CHD1L: variants seen among roughly 807,000 people sequenced by gnomAD.
The protein encoded by CHD1L is chromodomain helicase DNA binding protein 1 like.
In CHD1L, 118 loss-of-function variants were observed where a neutral mutation model predicts 115.9. That is an observed-to-expected ratio of 1.02 (90% CI 0.88 to 1.19). The LOEUF is 1.19. CHD1L is among the 50% of genes most tolerant of loss of function. CHD1L has a pLI of 0.00. For synonymous variants in CHD1L, 411 were observed against 387.1 expected (o/e 1.06, Z -0.72); for missense variants, 1,179 against 1,065.3 (o/e 1.11, Z -1.49).
At chr1:147,249,723 G>GT (rs782626376) in intron 1 of CHD1L, among the ~76,000 whole-genome samples, 1 of 152,144 alleles carries the variant, frequency 6.6e-6, no homozygotes, top group Non-Finnish European at 1.5e-5. Context: ...TATGTTTGCG[G>GT]TTTACTCAGT....
chr1:147,270,469 AG>A (rs782359479), intron 10 of CHD1L, among the ~76,000 whole-genome samples: 1 of 152,012 alleles, frequency 6.6e-6, no homozygotes, highest in Non-Finnish European at 1.5e-5. Flanking sequence ...AACAGGGCAT[AG>A]TTGTAGATGA....
At chr1:147,232,641 G>A in the CHD1L span, among the ~76,000 whole-genome samples, 1 of 150,576 alleles carries the variant, frequency 6.6e-6, no homozygotes, top group African/African-American at 2.4e-5. Flanking sequence ...TGCGATTGCA[G>A]GCACGCGCCG....
intron 1 of CHD1L, among the ~76,000 whole-genome samples, chr1:147,249,337 G>T (rs1667631237): frequency 6.7e-6 from 1 of 150,016 alleles, no homozygotes; most frequent in Non-Finnish European, 1.5e-5. Flanking sequence ...TTTTTTTCTG[G>T]CTGCATTTAA....
upstream of CHD1L, among the ~76,000 whole-genome samples, chr1:147,240,149 G>A (rs587626874): frequency 3.1e-4 from 47 of 152,342 alleles, no homozygotes; most frequent in African/African-American, 1.1e-3. Flanking sequence ...TGTGTAGAAA[G>A]AAGTAGAAAT....
intron 10 of CHD1L, among the ~76,000 whole-genome samples, chr1:147,270,238 A>G (rs1553951842): frequency 6.6e-6 from 1 of 152,206 alleles, no homozygotes; most frequent in African/African-American, 2.4e-5. Context: ...TTGTTTATGC[A>G]AATTTAAAAT....
the CHD1L span, chr1:147,179,758 T>A: frequency 6.4e-6 from 4 of 623,128 alleles, no homozygotes; most frequent in South Asian, 7.8e-5. Flanking sequence ...ATAATCTGAA[T>A]CCTGTTAAAT....
chr1:147,218,526 G>A, the CHD1L span, among the ~76,000 whole-genome samples: 5 of 152,046 alleles, frequency 3.3e-5, no homozygotes, highest in East Asian at 1.9e-4. Context: ...GTGAGCCACC[G>A]CGCCCAGCCT....
chr1:147,262,023 G>A (rs190801217), intron 6 of CHD1L, among the ~76,000 whole-genome samples: 104 of 151,916 alleles, frequency 6.8e-4, no homozygotes, highest in African/African-American at 2.4e-3. Context: ...GTGAAACCCC[G>A]TCTCTACTAA....
chr1:147,187,016 T>C, the CHD1L span: 1 of 1,614,222 alleles, frequency 6.2e-7, no homozygotes, highest in Non-Finnish European at 8.5e-7. Flanking sequence ...AGAGGCTTCC[T>C]GATGCGATCA....
At chr1:147,270,847 T>G in intron 10 of CHD1L, 85 bp from the exon 11 acceptor site, 1 of 1,091,444 alleles carries the variant, frequency 9.2e-7, no homozygotes, top group Non-Finnish European at 1.4e-6. Context: ...TTATAAACTT[T>G]TATTGTTTGG....
chr1:147,245,578 A>G (rs1553933334), intron 1 of CHD1L, among the ~76,000 whole-genome samples: 1 of 151,988 alleles, frequency 6.6e-6, no homozygotes, highest in Non-Finnish European at 1.5e-5. Flanking sequence ...AATTCCCTGT[A>G]TTACATTCCT....
the CHD1L span, among the ~76,000 whole-genome samples, chr1:147,229,235 C>A: frequency 5.9e-5 from 9 of 152,030 alleles, no homozygotes; most frequent in Admixed American, 3.3e-4. Flanking sequence ...ACAGCTAGCC[C>A]GTTTTCCCAG....
chr1:147,178,085 T>C, the CHD1L span: 2 of 1,418,764 alleles, frequency 1.4e-6, no homozygotes, highest in South Asian at 2.6e-5. Flanking sequence ...CCGCGACCCT[T>C]CCGGCTGCCC....
chr1:147,178,435 G>T, the CHD1L span: 2 of 1,611,542 alleles, frequency 1.2e-6, no homozygotes, highest in Non-Finnish European at 1.7e-6. Flanking sequence ...TATGTTTAGA[G>T]ATGGTGAAGA....
intron 19 of CHD1L, among the ~76,000 whole-genome samples, chr1:147,289,567 C>T (rs1043291224): frequency 2.0e-5 from 3 of 152,102 alleles, no homozygotes; most frequent in Non-Finnish European, 2.9e-5. Context: ...GTGCAGTTTT[C>T]TCTGAAGGAG....
At chr1:147,265,829 G>A (rs1212580181) in intron 7 of CHD1L, 103 bp from the exon 8 acceptor site, 12 of 1,054,598 alleles carry the variant, frequency 1.1e-5, no homozygotes, top group Middle Eastern at 2.1e-4. Context: ...TGCAAAATAA[G>A]CGTGAAATAA....
the CHD1L span, among the ~76,000 whole-genome samples, chr1:147,198,509 A>C: frequency 6.6e-6 from 1 of 152,160 alleles, no homozygotes; most frequent in African/African-American, 2.4e-5. Flanking sequence ...TGGGTACGTC[A>C]TCCAGTGCAT....
the CHD1L span, among the ~76,000 whole-genome samples, chr1:147,230,798 G>A: frequency 4.0e-5 from 6 of 151,270 alleles, no homozygotes; most frequent in Admixed American, 3.3e-4. Flanking sequence ...TATTTGTGTA[G>A]AGGTGTTTAT....
chr1:147,253,659 G>A (rs1553937932), intron 2 of CHD1L, among the ~76,000 whole-genome samples: 1 of 152,186 alleles, frequency 6.6e-6, no homozygotes, highest in African/African-American at 2.4e-5. Flanking sequence ...ACCATGCACA[G>A]CTTATTTTTA....
Sources: allele counts gnomAD v4.1 joint callset (sites outside exome capture counted in the v4.1 genomes callset), GRCh38; gene constraint gnomAD v4.1.1; transcripts MANE v1.5; gene names NCBI Gene and HGNC (gene_info 2026-07-23, HGNC 2026-07-21).